The following NALF1 variants were observed in gnomAD, a reference collection of about 807,000 sequenced individuals.
The protein encoded by NALF1 is NALCN channel auxiliary factor 1, also known as family with sequence similarity 155 member A.
NALF1 carries 3 observed loss-of-function variants against 48.4 expected under a neutral mutation model. That is an observed-to-expected ratio of 0.06 (90% CI 0.03 to 0.16). The LOEUF (loss-of-function observed/expected upper bound fraction) is 0.16. NALF1 is among the 10% of genes least tolerant of loss of function. The pLI is 1.00. For synonymous variants in NALF1, 262 were observed against 245.7 expected, an observed-to-expected ratio of 1.07 and a Z score of -0.62; for missense variants, 526 against 571.5, an observed-to-expected ratio of 0.92 and a Z score of 0.81.
chr13:107,495,033 G>A (rs1023661718), intron 1 of NALF1, among the ~76,000 whole-genome samples: 6 of 152,174 alleles, frequency 3.9e-5, no homozygotes, highest in East Asian at 3.8e-4. Context: ...ACATAGAGGC[G>A]TTACTGTTTG....
intron 1 of NALF1, among the ~76,000 whole-genome samples, chr13:107,326,474 A>G (rs1189155347): frequency 2.0e-5 from 3 of 152,158 alleles, no homozygotes; most frequent in African/African-American, 4.8e-5. Flanking sequence ...CATTTTAATT[A>G]ATTCTTAGAC....
At chr13:107,763,060 G>A (rs1443960346) in intron 1 of NALF1, among the ~76,000 whole-genome samples, 2 of 150,516 alleles carry the variant, frequency 1.3e-5, no homozygotes, top group African/African-American at 4.9e-5. Context: ...TTTCTAGTGG[G>A]CCACAAATTT....
chr13:107,758,469 C>T (rs1594247860), intron 1 of NALF1, among the ~76,000 whole-genome samples: 1 of 152,198 alleles, frequency 6.6e-6, no homozygotes, highest in East Asian at 1.9e-4. Flanking sequence ...TGCCTGTAAT[C>T]CCAACACTTT....
intron 1 of NALF1, among the ~76,000 whole-genome samples, chr13:107,359,481 C>T (rs1391602010): frequency 3.9e-5 from 6 of 152,140 alleles, no homozygotes; most frequent in Admixed American, 1.3e-4. Context: ...ACTGAATATG[C>T]TTTTAAAAGT....
At chr13:107,803,811 A>G (rs1878691480) in intron 1 of NALF1, among the ~76,000 whole-genome samples, 1 of 152,182 alleles carries the variant, frequency 6.6e-6, no homozygotes, top group Admixed American at 6.5e-5. Context: ...TTTAACTCTA[A>G]TAACACGATG....
At chr13:107,320,896 A>C (rs1422877184) in intron 1 of NALF1, 1 of 165,616 alleles carries the variant, frequency 6.0e-6, no homozygotes, top group African/African-American at 2.4e-5. Flanking sequence ...TTTCAAACTC[A>C]CAGCTCAGAA....
chr13:107,787,971 C>T (rs1311998876), intron 1 of NALF1, among the ~76,000 whole-genome samples: 3 of 152,162 alleles, frequency 2.0e-5, no homozygotes, highest in Admixed American at 6.5e-5. Flanking sequence ...TGCCAACCCA[C>T]GGTTTGCATG....
At chr13:107,552,859 G>A (rs1877337038) in intron 1 of NALF1, among the ~76,000 whole-genome samples, 3 of 151,982 alleles carry the variant, frequency 2.0e-5, no homozygotes, top group Admixed American at 2.0e-4. Context: ...CTTTACCAGT[G>A]ATTTACTGTC....
intron 1 of NALF1, among the ~76,000 whole-genome samples, chr13:107,832,264 CATTCT>C (rs1349133665): frequency 6.6e-6 from 1 of 151,306 alleles, no homozygotes; most frequent in Non-Finnish European, 1.5e-5. Context: ...ATATTTAATC[CATTCT>C]ATTTAAGTAA....
intron 1 of NALF1, among the ~76,000 whole-genome samples, chr13:107,743,044 C>T (rs1301480135): frequency 6.6e-6 from 1 of 152,190 alleles, no homozygotes; most frequent in Non-Finnish European, 1.5e-5. Flanking sequence ...TGGACATGCT[C>T]AGTCTGTGCT....
intron 1 of NALF1, among the ~76,000 whole-genome samples, chr13:107,690,932 C>T (rs551821735): frequency 6.6e-6 from 1 of 152,280 alleles, no homozygotes; most frequent in East Asian, 1.9e-4. Flanking sequence ...TAAATCTGAG[C>T]CAATGCAATT....
At chr13:107,823,864 G>A (rs1218659622) in intron 1 of NALF1, among the ~76,000 whole-genome samples, 5 of 152,016 alleles carry the variant, frequency 3.3e-5, no homozygotes, top group South Asian at 2.1e-4. Context: ...TGCACAATGC[G>A]GATAATAGTA....
At chr13:107,296,724 A>T (rs1429865927) in intron 1 of NALF1, among the ~76,000 whole-genome samples, 4 of 152,174 alleles carry the variant, frequency 2.6e-5, no homozygotes, top group African/African-American at 9.7e-5. Flanking sequence ...GTTGCAATGT[A>T]CAAAGGCGAT....
At chr13:107,390,842 T>C (rs1883613904) in intron 1 of NALF1, among the ~76,000 whole-genome samples, 1 of 151,502 alleles carries the variant, frequency 6.6e-6, no homozygotes. Flanking sequence ...TTTGTACATC[T>C]ACACGACCAA....
At chr13:107,323,227 G>C (rs1233035573) in intron 1 of NALF1, among the ~76,000 whole-genome samples, 6 of 152,122 alleles carry the variant, frequency 3.9e-5, no homozygotes, top group Non-Finnish European at 2.9e-5. Context: ...CTTCTGATTA[G>C]TGTGAAAACA....
At chr13:107,301,697 A>T (rs1021517666) in intron 1 of NALF1, among the ~76,000 whole-genome samples, 7 of 152,138 alleles carry the variant, frequency 4.6e-5, no homozygotes, top group Admixed American at 1.3e-4. Flanking sequence ...TTTTTTCTAT[A>T]GTTCCTTCTT....
intron 1 of NALF1, among the ~76,000 whole-genome samples, chr13:107,825,400 GA>G (rs1879485299): frequency 6.6e-6 from 1 of 152,116 alleles, no homozygotes; most frequent in Non-Finnish European, 1.5e-5. Flanking sequence ...TGTGACATCA[GA>G]AAAAAAGTTG....
chr13:107,398,829 A>T (rs1024705611), intron 1 of NALF1, among the ~76,000 whole-genome samples: 8 of 152,166 alleles, frequency 5.3e-5, no homozygotes, highest in South Asian at 4.1e-4. Context: ...ATGAGATGGG[A>T]ATATCAGAGT....
At chr13:107,747,007 G>A (rs1404332406) in intron 1 of NALF1, among the ~76,000 whole-genome samples, 6 of 152,092 alleles carry the variant, frequency 3.9e-5, no homozygotes. Context: ...TTTAGACATA[G>A]CCCCAAAAGC....
Sources: gnomAD v4.1 joint callset for allele counts (sites outside exome capture counted in the v4.1 genomes callset) on GRCh38, gnomAD v4.1.1 for gene constraint, MANE v1.5 for transcripts, NCBI Gene and HGNC (gene_info 2026-07-23, HGNC 2026-07-21) for gene names.